TSPAN18: variants seen among roughly 807,000 people sequenced by gnomAD.
TSPAN18 encodes the protein tetraspanin 18, also known as tetraspanin-18.
TSPAN18 carries 14 observed loss-of-function variants against 27.3 expected under a neutral mutation model. The ratio of observed to expected loss-of-function variants is 0.51; its 90% confidence interval spans 0.34 to 0.80. The LOEUF (loss-of-function observed/expected upper bound fraction) is 0.80, where lower values mean the gene tolerates loss of function less well. TSPAN18 is among the 30% of genes least tolerant of loss of function. The probability of loss-of-function intolerance (pLI) is 0.01; values close to 1 mark genes in which losing one functional copy is unlikely to be tolerated. For missense variants in TSPAN18, 268 were observed against 323.9 expected (o/e 0.83, Z 1.32); for synonymous variants, 143 against 136.5 (o/e 1.05, Z -0.33).
Position 44,908,829 on chromosome 11 carries a change from A to AAGAAAGAAAGAG in TSPAN18, c.64-875_64-874insGAAAGAAAGAGA, listed in dbSNP as rs765443858. On this transcript the variant is annotated intron_variant, in intron 4 of 9. Coordinates refer to ENST00000520358, the MANE Select transcript of TSPAN18 (RefSeq NM_130783.5). ...AAAGAAAGAAAGAAAGAAAGAAAGA[A>AAGAAAGAAAGAG]AAAGAAAAATGGAGCAGATATTTAT... Among the ~76,000 whole-genome samples the AAGAAAGAAAGAG allele has an allele frequency of 4.8e-5, 5 of 103,322 alleles. 1 individual carries two copies. The highest frequency in any genetic ancestry group is 9.5e-5 in the Non-Finnish European group (5 of 52,432). The allele number at this position is 103,322 out of a possible 152,430, so 67.8% of individuals were successfully genotyped here. A position where few individuals can be genotyped will look rare whatever the true frequency, so the allele number is the denominator to read the frequency against.
chr11:44,739,559 G>A (rs184540684), intron 1 of TSPAN18, among the ~76,000 whole-genome samples: 5 of 152,360 alleles, frequency 3.3e-5, no homozygotes, highest in African/African-American at 1.2e-4. Flanking sequence ...GGGAGGCAGA[G>A]GTTGTAGTGA....
chr11:44,919,768 C>T, intron 7 of TSPAN18, 49 bp from the exon 8 acceptor site: 1 of 1,586,642 alleles, frequency 6.3e-7, no homozygotes, highest in Non-Finnish European at 8.7e-7. Flanking sequence ...GTCCCCGCCC[C>T]TGTGTCCTCC....
At chr11:44,919,337 T>C in intron 7 of TSPAN18, 25 bp downstream of exon 7, 1 of 1,597,818 alleles carries the variant, frequency 6.3e-7, no homozygotes, top group Non-Finnish European at 8.6e-7. Context: ...AGAGATGCTA[T>C]GAACATTCAG....
intron 2 of TSPAN18, among the ~76,000 whole-genome samples, chr11:44,776,439 A>G (rs1023604180): frequency 2.0e-5 from 3 of 151,778 alleles, no homozygotes; most frequent in Non-Finnish European, 4.4e-5. Context: ...GGGCACGATA[A>G]CCTTTCCCTA....
At chr11:44,784,829 T>G (rs1308174803) in intron 2 of TSPAN18, among the ~76,000 whole-genome samples, 1 of 152,234 alleles carries the variant, frequency 6.6e-6, no homozygotes, top group Non-Finnish European at 1.5e-5. Context: ...TTAAATGGCT[T>G]GTTCAGGGTC....
chr11:44,879,594 G>A (rs867061959), intron 3 of TSPAN18, among the ~76,000 whole-genome samples: 5 of 152,226 alleles, frequency 3.3e-5, no homozygotes, highest in African/African-American at 7.2e-5. Flanking sequence ...GTCCTGAGGC[G>A]GGAATGTGCT....
At chr11:44,873,480 C>A (rs546440294) in intron 3 of TSPAN18, among the ~76,000 whole-genome samples, 6 of 152,208 alleles carry the variant, frequency 3.9e-5, no homozygotes, top group Admixed American at 6.5e-5. Context: ...GCAGAAAGAA[C>A]AATATGCAAA....
chr11:44,752,278 A>G (rs1855228600), intron 1 of TSPAN18, among the ~76,000 whole-genome samples: 1 of 152,242 alleles, frequency 6.6e-6, no homozygotes, highest in South Asian at 2.1e-4. Flanking sequence ...AAGGAAAGTG[A>G]CTTTAAATGA....
chr11:44,811,716 C>T (rs1856721652), intron 2 of TSPAN18, among the ~76,000 whole-genome samples: 1 of 152,178 alleles, frequency 6.6e-6, no homozygotes, highest in Non-Finnish European at 1.5e-5. Flanking sequence ...CCCGCCTTGG[C>T]CTCCCAAGGT....
intron 2 of TSPAN18, among the ~76,000 whole-genome samples, chr11:44,768,558 T>C (rs989122870): frequency 2.0e-5 from 3 of 152,202 alleles, no homozygotes; most frequent in East Asian, 1.9e-4. Context: ...AAAGACAGTT[T>C]TACTTCTTCC....
At chr11:44,903,755 G>GC (rs1219154238) in intron 3 of TSPAN18, 4 of 455,602 alleles carry the variant, frequency 8.8e-6, no homozygotes, top group African/African-American at 4.0e-5. Context: ...AGACAAATCC[G>GC]CCCCCCACCC....
At chr11:44,796,879 A>T (rs149065908) in intron 2 of TSPAN18, among the ~76,000 whole-genome samples, 3 of 152,116 alleles carry the variant, frequency 2.0e-5, no homozygotes, top group Non-Finnish European at 4.4e-5. Flanking sequence ...CCACGTTGAG[A>T]CACTGGTTTA....
intron 2 of TSPAN18, among the ~76,000 whole-genome samples, chr11:44,793,777 G>A (rs993581422): frequency 2.0e-5 from 3 of 152,194 alleles, no homozygotes; most frequent in Non-Finnish European, 2.9e-5. Flanking sequence ...CTTCCACTGC[G>A]CTCCCTTCCC....
intron 2 of TSPAN18, among the ~76,000 whole-genome samples, chr11:44,782,110 T>C (rs1215398791): frequency 1.3e-5 from 2 of 152,260 alleles, no homozygotes; most frequent in South Asian, 2.1e-4. Context: ...TGTAGTATTG[T>C]TGTCAATTTT....
intron 2 of TSPAN18, among the ~76,000 whole-genome samples, chr11:44,837,355 C>G (rs1325068974): frequency 5.3e-5 from 8 of 152,202 alleles, no homozygotes; most frequent in African/African-American, 1.9e-4. Flanking sequence ...GAAATGGAGG[C>G]TGAGGCTGTG....
intron 3 of TSPAN18, among the ~76,000 whole-genome samples, chr11:44,876,977 TC>T (rs1295940325): frequency 5.3e-5 from 8 of 152,108 alleles, no homozygotes; most frequent in Non-Finnish European, 1.5e-5. Flanking sequence ...TGGTGCCTCC[TC>T]CCCCAGGCCC....
In TSPAN18 at chr11:44,863,826, G is replaced by A. The variant is rs564235279; in HGVS notation, c.-11+3357G>A. 2.3e-3 allele frequency among the ~76,000 whole-genome samples: 347 copies of A among 152,268 alleles called. 3 individuals carry two copies. In the South Asian group the frequency reaches 0.026, roughly 11 times the overall value. On this transcript the variant is annotated intron_variant, in intron 3 of 9. Coordinates refer to ENST00000520358, the MANE Select transcript of TSPAN18 (RefSeq NM_130783.5). ...CTCGTAAGACTGTGTGAAGATGGAAGGAAATACTTGAATGACAGAAAGTGC... is the reference window on the plus strand; with the variant it reads ...CTCGTAAGACTGTGTGAAGATGGAAAGAAATACTTGAATGACAGAAAGTGC...
chr11:44,850,044 G>A (rs704669), intron 2 of TSPAN18, among the ~76,000 whole-genome samples: 117,781 of 151,954 alleles, frequency 0.78, 45,864 homozygotes, highest in East Asian at 0.89. Context: ...GATGGACTAC[G>A]TGACCCCTAA....
chr11:44,775,205 C>A (rs1380841563), intron 2 of TSPAN18, among the ~76,000 whole-genome samples: 1 of 152,190 alleles, frequency 6.6e-6, no homozygotes, highest in South Asian at 2.1e-4. Context: ...TAGCATAAAT[C>A]TGCCCCAAGC....
Sources: allele counts gnomAD v4.1 joint callset (sites outside exome capture counted in the v4.1 genomes callset), GRCh38; gene constraint gnomAD v4.1.1; transcripts MANE v1.5; gene names NCBI Gene and HGNC (gene_info 2026-07-23, HGNC 2026-07-21).